RTKN: variants seen among roughly 807,000 people sequenced by gnomAD.
RTKN encodes rhotekin.
In RTKN, 49 loss-of-function variants were observed where a neutral mutation model predicts 63.5. The observed-to-expected ratio is 0.77, with a 90% CI of 0.61 to 0.98. The LOEUF (loss-of-function observed/expected upper bound fraction) is 0.98, where lower values mean the gene tolerates loss of function less well. RTKN is among the 50% of genes least tolerant of loss of function. The pLI is 0.00. For missense variants in RTKN, 685 were observed against 740.8 expected, an observed-to-expected ratio of 0.92 and a Z score of 0.87; for synonymous variants, 295 against 290.4, an observed-to-expected ratio of 1.02 and a Z score of -0.16.
At chr2:74,434,526 C>T (rs1034435956) in intron 1 of RTKN, among the ~76,000 whole-genome samples, 9 of 152,128 alleles carry the variant, frequency 5.9e-5, no homozygotes, top group Non-Finnish European at 1.0e-4. Flanking sequence ...GTGATCCACC[C>T]GCCTTGGCCT....
intron 1 of RTKN, chr2:74,440,379 G>C (rs1336925034): frequency 1.5e-5 from 15 of 986,464 alleles, no homozygotes; most frequent in Non-Finnish European, 1.8e-5. Context: ...AGGGAGGAGA[G>C]GGAGAGAGGA....
chr2:74,439,859 C>A, intron 1 of RTKN: 1 of 1,353,768 alleles, frequency 7.4e-7, no homozygotes, highest in South Asian at 1.8e-5. Flanking sequence ...GGGAGCCAGG[C>A]AGGGAAGAAA....
At chr2:74,434,551 A>G (rs1437644793) in intron 1 of RTKN, among the ~76,000 whole-genome samples, 1 of 151,984 alleles carries the variant, frequency 6.6e-6, no homozygotes, top group Non-Finnish European at 1.5e-5. Context: ...AAGTGCTGGG[A>G]TTGCAGGTGT....
chr2:74,435,468 G>A (rs530797963), intron 1 of RTKN, among the ~76,000 whole-genome samples: 1 of 152,158 alleles, frequency 6.6e-6, no homozygotes, highest in Non-Finnish European at 1.5e-5. Flanking sequence ...GTCAACACTG[G>A]AGCATCCCTG....
chr2:74,426,552 G>T lies in RTKN; in HGVS notation c.1383C>A (p.Ile461=). The T allele has an allele frequency of 6.5e-7, 1 of 1,536,018 alleles. No homozygotes were observed. Among genetic ancestry groups the T allele is most frequent in the Non-Finnish European group, 8.8e-7 (1 of 1,138,954 alleles). ...GGGTCAGGATGTCTGTCACCGCTGC[G>T]ATGTCATCCAGCGGCTCAATAGCTG... ...HEMAIEPLDD[I]AAVTDILTQR... Residue 461 remains isoleucine, a synonymous_variant, in exon 12 of 12, where the codon ATC becomes ATA. Coordinates refer to ENST00000272430, the MANE Select transcript of RTKN (RefSeq NM_001015055.2).
At chr2:74,439,033 C>T (rs144296395) in intron 1 of RTKN, among the ~76,000 whole-genome samples, 31 of 152,250 alleles carry the variant, frequency 2.0e-4, no homozygotes, top group African/African-American at 6.0e-4. Flanking sequence ...CCTGTAATCT[C>T]GGCATTTTGG....
rs1472210825 is a variant in RTKN at position 74,436,427 on chromosome 2, C to T, written c.112-3761G>A. Among the ~76,000 whole-genome samples the T allele has an allele frequency of 6.6e-6, 1 of 152,220 alleles. No homozygotes were observed. On this transcript the variant is annotated intron_variant, in intron 1 of 11. Transcript: ENST00000272430. This position sits in a 1 kb window ranked among gnomAD's most constrained non-coding sequence, Gnocchi z 4.3. Reference sequence around the variant, plus strand: ...GGGCGCTGGAGGTCCCTCCGGGCACCTGGCTGGGCTTGGCTCAAGGCGGTG... The same window carrying T: ...GGGCGCTGGAGGTCCCTCCGGGCACTTGGCTGGGCTTGGCTCAAGGCGGTG...
At chr2:74,437,949 G>C (rs1397328809) in intron 1 of RTKN, among the ~76,000 whole-genome samples, 1 of 152,218 alleles carries the variant, frequency 6.6e-6, no homozygotes, top group East Asian at 1.9e-4. Context: ...AACCTGCACA[G>C]TTTATGCCAA....
At chr2:74,429,696 A>G in intron 6 of RTKN, 132 bp downstream of exon 6, 1 of 862,764 alleles carries the variant, frequency 1.2e-6, no homozygotes. Flanking sequence ...CTACGTGGCC[A>G]CTGCTCATTC....
intron 1 of RTKN, chr2:74,439,782 C>A: frequency 6.8e-7 from 1 of 1,463,398 alleles, no homozygotes. Flanking sequence ...TCCCTCTGCA[C>A]TCCTGTTAAA....
At chr2:74,431,272 G>A (rs1231957922) in intron 2 of RTKN, among the ~76,000 whole-genome samples, 1 of 151,764 alleles carries the variant, frequency 6.6e-6, no homozygotes, top group Admixed American at 6.6e-5. Flanking sequence ...TTTCCTCCTG[G>A]CCTGATATGG....
chr2:74,429,467 G>A (rs533098089), intron 6 of RTKN, among the ~76,000 whole-genome samples: 1 of 152,336 alleles, frequency 6.6e-6, no homozygotes, highest in African/African-American at 2.4e-5. Flanking sequence ...GCTCACGCCT[G>A]TAATCCTACC....
chr2:74,439,986 GA>G, intron 1 of RTKN: 1 of 1,076,456 alleles, frequency 9.3e-7, no homozygotes, highest in Non-Finnish European at 1.1e-6. Context: ...AGCTGTGGAA[GA>G]AAAAGGCCCT....
rs116755410 is a variant in RTKN at position 74,430,744 on chromosome 2, G to A, written c.312-67C>T. 2,355 of 1,477,244 alleles carry A rather than the reference G, an allele frequency of 1.6e-3. 38 individuals carry two copies. The African/African-American group carries it at 0.03, about 19-fold the overall frequency. 91.5% of individuals were successfully genotyped at this position (1,477,244 alleles called of 1,614,324 possible). A position where few individuals can be genotyped will look rare whatever the true frequency, so the allele number is the denominator to read the frequency against. On this transcript the variant is annotated intron_variant, in intron 2 of 11. Transcript: ENST00000272430. ...TATTCCCCCTTGCTCTGGTCCCAAC[G>A]ACTCTAGGATCCCCCTGATCCCAGC... is the stretch of plus-strand genomic sequence containing the variant.
chr2:74,440,380 G>A (rs1572905011), intron 1 of RTKN: 4 of 986,604 alleles, frequency 4.1e-6, no homozygotes, highest in Non-Finnish European at 4.8e-6. Flanking sequence ...GGGAGGAGAG[G>A]GAGAGAGGAA....
At chr2:74,440,445 C>T in intron 1 of RTKN, 2 of 986,892 alleles carry the variant, frequency 2.0e-6, no homozygotes, top group Non-Finnish European at 2.4e-6. Context: ...GGCCCCTTCC[C>T]TTCCAGACAG....
rs535938251 is a variant in RTKN at position 74,432,385 on chromosome 2, C to T, written c.311+82G>A. 5 of 1,313,418 alleles carry T rather than the reference C, an allele frequency of 3.8e-6. No homozygotes were observed. The South Asian group carries it at 4.7e-5, about 12-fold the overall frequency. The allele number at this position is 1,313,418 out of a possible 1,614,324, so 81.4% of individuals were successfully genotyped here. A position where few individuals can be genotyped will look rare whatever the true frequency, so the allele number is the denominator to read the frequency against. ...GGGAAGTCATCTTTAAGGTGGTCCA[C>T]ATGCCACACACGCACATGCTGCACC... On this transcript the variant is annotated intron_variant, in intron 2 of 11. Transcript: ENST00000272430.
In RTKN at chr2:74,428,879, G is replaced by A; in HGVS notation, c.819C>T (p.Phe273=). 1.2e-6 allele frequency: 2 copies of A among 1,614,142 alleles called. No individual in the cohort carries two copies. Among genetic ancestry groups the A allele is most frequent in the Non-Finnish European group, 1.7e-6 (2 of 1,180,022 alleles). ...TGGCAAGGGTGAGGTCATGTGTGCG[G>A]AATCCATCTTGCACTGCTGCCAGGG... ...TLTLAAVQDG[F]RTHDLTLASH... Residue 273 remains phenylalanine, a synonymous_variant, in exon 7 of 12, where the codon TTC becomes TTT. Transcript: ENST00000272430.
Position 74,429,943 on chromosome 2 carries a change from C to T in RTKN, c.640G>A (p.Ala214Thr). The T allele has an allele frequency of 6.2e-7, 1 of 1,614,242 alleles. No homozygotes were observed. Residue 214 changes from alanine (A) to threonine (T), a missense_variant, in exon 6 of 12, where the codon GCC (alanine) becomes ACC (threonine). Coordinates refer to ENST00000272430, the MANE Select transcript of RTKN (RefSeq NM_001015055.2). Reference protein sequence around the residue: ...GALTGGPKRLATKLSSSLGRS... With the variant: ...GALTGGPKRLTTKLSSSLGRS... The stretch of plus-strand genomic sequence containing the variant: ...CCCAGGGAGCTGCTGAGTTTGGTGG[C>T]AAGCCTCTTGGGGCCGCCAGTCAGG...
Sources: allele counts gnomAD v4.1 joint callset (sites outside exome capture counted in the v4.1 genomes callset), GRCh38; gene constraint gnomAD v4.1.1; non-coding constraint Gnocchi (gnomAD v3.1); transcripts MANE v1.5; gene names NCBI Gene and HGNC (gene_info 2026-07-23, HGNC 2026-07-21).